Variants in WNK1 observed in about 807,000 individuals in gnomAD.
WNK1 encodes WNK lysine deficient protein kinase 1.
WNK1 carries 38 observed loss-of-function variants against 222.8 expected under a neutral mutation model. The ratio of observed to expected loss-of-function variants is 0.17; its 90% CI spans 0.13 to 0.22. The LOEUF is 0.22. WNK1 is among the 10% of genes least tolerant of loss of function. WNK1 has a pLI of 1.00. For synonymous variants in WNK1, 1,090 were observed against 1,092.9 expected, an observed-to-expected ratio of 1.00 and a Z score of 0.05; for missense variants, 2,348 against 2,918.4, an observed-to-expected ratio of 0.80 and a Z score of 4.50.
chr12:880,824 C>G lies in WNK1; in HGVS notation c.2936C>G (p.Pro979Arg). Residue 979 changes from proline to arginine, a missense_variant, in exon 12 of 28, where the codon CCC (proline) becomes CGC (arginine). By Grantham distance (103) the Pro-to-Arg change is moderately radical. Coordinates refer to ENST00000315939, the MANE Select transcript of WNK1 (RefSeq NM_018979.4). The part of the protein sequence containing the change: ...VCIHSTVLSP[P>R]MPTEVLATPG... ...ATCCATTCTACAGTCCTATCCCCTC[C>G]CATGCCGACAGAAGTACTGGCTACA... is the stretch of plus-strand genomic sequence containing the variant. The G allele has an allele frequency of 6.2e-7, 1 of 1,614,068 alleles. No individual in the cohort carries two copies. The highest frequency in any genetic ancestry group is 1.1e-5 in the South Asian group (1 of 91,074).
intron 4 of WNK1, 105 bp from the exon 5 acceptor site, chr12:857,056 G>T: frequency 8.3e-7 from 1 of 1,199,556 alleles, no homozygotes; most frequent in Non-Finnish European, 1.2e-6. Flanking sequence ...CAGAAAAAAA[G>T]CCGGGATAGT....
chr12:903,627 A>G (rs1955454953), intron 26 of WNK1, among the ~76,000 whole-genome samples: 1 of 152,174 alleles, frequency 6.6e-6, no homozygotes, highest in Admixed American at 6.5e-5. Context: ...CTGTTGTTCA[A>G]ATGAAAGTGG....
intron 2 of WNK1, among the ~76,000 whole-genome samples, chr12:824,318 AT>A (rs1409484630): frequency 6.9e-6 from 1 of 145,120 alleles, no homozygotes; most frequent in Non-Finnish European, 1.5e-5. Flanking sequence ...TAATATTCGT[AT>A]TTTTATAACC....
intron 1 of WNK1, among the ~76,000 whole-genome samples, chr12:767,234 G>GTTTTTTTTTTTTTTTTTTTTTTTTT (rs71051382): frequency 1.4e-5 from 1 of 70,858 alleles, no homozygotes; most frequent in African/African-American, 6.4e-5. Flanking sequence ...GGGTTGATAG[G>GTTTTTTTTTTTTTTTTTTTTTTTTT]TTTTTTTTTT....
rs71051382 is a variant in WNK1 at position 767,234 on chromosome 12, G to GTTTTTTTTTTTTTTTTTTTTTTTT, written c.759+12922_759+12945dup. On this transcript the variant is annotated intron_variant, in intron 1 of 27. Coordinates refer to ENST00000315939, the MANE Select transcript of WNK1 (RefSeq NM_018979.4). ...TGTGGCAGACTTTCTGGGTTGATAG[G>GTTTTTTTTTTTTTTTTTTTTTTTT]TTTTTTTTTTTTTTTTTTTTTTTTT... Among the ~76,000 whole-genome samples, 2 of 70,858 alleles carry GTTTTTTTTTTTTTTTTTTTTTTTT rather than the reference G, an allele frequency of 2.8e-5. 1 individual carries two copies. Among genetic ancestry groups the GTTTTTTTTTTTTTTTTTTTTTTTT allele is most frequent in the African/African-American group, 1.3e-4 (2 of 15,728 alleles). 46.5% of individuals were successfully genotyped at this position (70,858 alleles called of 152,430 possible). A position where few individuals can be genotyped will look rare whatever the true frequency, so the allele number is the denominator to read the frequency against.
intron 1 of WNK1, 135 bp downstream of exon 1, chr12:754,459 AGG>A (rs1321377298): frequency 2.8e-6 from 3 of 1,068,066 alleles, no homozygotes; most frequent in Admixed American, 1.7e-5. Context: ...AACTTTTGAA[AGG>A]GGCTGAAATT....
At chr12:785,858 G>A (rs1274797754) in intron 1 of WNK1, among the ~76,000 whole-genome samples, 31 of 152,024 alleles carry the variant, frequency 2.0e-4, no homozygotes, top group Admixed American at 2.0e-3. Context: ...TTTGAGTTGG[G>A]CACTGAAAAC....
chr12:768,673 G>A (rs1428306833), intron 1 of WNK1, among the ~76,000 whole-genome samples: 2 of 152,050 alleles, frequency 1.3e-5, no homozygotes, highest in Non-Finnish European at 2.9e-5. Context: ...GTGTGTACTT[G>A]GTGTGAATAC....
chr12:855,305 C>T (rs919834207), intron 4 of WNK1, among the ~76,000 whole-genome samples: 2 of 152,144 alleles, frequency 1.3e-5, no homozygotes, highest in Non-Finnish European at 2.9e-5. Flanking sequence ...CTTTTAAATA[C>T]ATGAATTTAA....
chr12:831,671 A>G (rs1948804909), intron 4 of WNK1, among the ~76,000 whole-genome samples: 1 of 152,146 alleles, frequency 6.6e-6, no homozygotes, highest in South Asian at 2.1e-4. Context: ...TTTTAAATAT[A>G]TATTTGTAAC....
chr12:899,109 A>G (rs1185492615), intron 25 of WNK1, among the ~76,000 whole-genome samples: 1 of 152,216 alleles, frequency 6.6e-6, no homozygotes, highest in African/African-American at 2.4e-5. Flanking sequence ...TAGTGTTAAC[A>G]CAATTAGTTG....
chr12:818,530 T>C (rs1947568891), intron 2 of WNK1, among the ~76,000 whole-genome samples: 1 of 152,240 alleles, frequency 6.6e-6, no homozygotes, highest in African/African-American at 2.4e-5. Context: ...TAACCATTTT[T>C]AAGTGTATAG....
intron 1 of WNK1, among the ~76,000 whole-genome samples, chr12:772,118 A>G (rs1213791070): frequency 1.3e-5 from 2 of 152,206 alleles, no homozygotes; most frequent in Non-Finnish European, 2.9e-5. Context: ...AAGATGCTTT[A>G]AAAAATTAGT....
Position 851,267 on chromosome 12 carries a change from T to C in WNK1, c.1312-5894T>C, listed in dbSNP as rs1225884927. 3 of 659,230 alleles carry C rather than the reference T, an allele frequency of 4.6e-6. No homozygotes were observed. In the South Asian group the frequency reaches 2.0e-4, roughly 45 times the overall value. 40.8% of individuals were successfully genotyped at this position (659,230 alleles called of 1,614,324 possible). On this transcript the variant is annotated intron_variant, in intron 4 of 27. Coordinates refer to ENST00000315939, the MANE Select transcript of WNK1 (RefSeq NM_018979.4). ...TTTCTTTTAAAGTACACTTTCAAAA[T>C]GATTGGAGGAAGGGAGTGTTTTTGG...
At chr12:846,257 A>G (rs937997084) in intron 4 of WNK1, among the ~76,000 whole-genome samples, 2 of 152,188 alleles carry the variant, frequency 1.3e-5, no homozygotes, top group East Asian at 1.9e-4. Context: ...TGTATGCTAT[A>G]CTTGTAGTCT....
intron 1 of WNK1, among the ~76,000 whole-genome samples, chr12:776,586 G>A (rs556942246): frequency 1.3e-5 from 2 of 151,896 alleles, no homozygotes; most frequent in South Asian, 2.1e-4. Flanking sequence ...GCGTGCCACC[G>A]TGCCTGGCTA....
intron 4 of WNK1, among the ~76,000 whole-genome samples, chr12:842,969 G>A (rs1970996): frequency 0.63 from 96,226 of 151,956 alleles, 31,292 homozygotes; most frequent in East Asian, 0.87. Context: ...GGAGTCTCTC[G>A]CTGTCGCCCA....
At chr12:867,691 G>A (rs916876846) in intron 8 of WNK1, 16 of 714,426 alleles carry the variant, frequency 2.2e-5, no homozygotes, top group Non-Finnish European at 3.3e-5. Flanking sequence ...GGCCCTGGAT[G>A]TATTTAATGG....
intron 22 of WNK1, among the ~76,000 whole-genome samples, chr12:892,553 C>T (rs1033503246): frequency 2.6e-5 from 4 of 151,812 alleles, no homozygotes; most frequent in Admixed American, 6.6e-5. Flanking sequence ...AAAGTGCCAC[C>T]GATTGCAAAT....
Sources: allele counts gnomAD v4.1 joint callset (sites outside exome capture counted in the v4.1 genomes callset), GRCh38; gene constraint gnomAD v4.1.1; transcripts MANE v1.5; gene names NCBI Gene and HGNC (gene_info 2026-07-23, HGNC 2026-07-21).